The following TCF12 variants were observed in gnomAD, a reference collection of about 807,000 sequenced individuals.
TCF12 encodes DNA-binding protein HTF4.
Under a neutral mutation model 86.0 loss-of-function variants are expected in TCF12, and 45 were observed. The ratio of observed to expected loss-of-function variants is 0.52; its 90% CI spans 0.41 to 0.67. TCF12 has a LOEUF of 0.67. Ranked by LOEUF, TCF12 falls within the 30% of genes least tolerant of loss-of-function variation. The probability of loss-of-function intolerance (pLI) is 0.00; values close to 1 mark genes in which losing one functional copy is unlikely to be tolerated. For synonymous variants in TCF12, 330 were observed against 299.6 expected (o/e 1.10, Z -1.05); for missense variants, 881 against 859.9 (o/e 1.02, Z -0.31).
intron 3 of TCF12, among the ~76,000 whole-genome samples, chr15:56,968,718 G>A (rs1490883835): frequency 6.6e-6 from 1 of 152,238 alleles, no homozygotes; most frequent in Non-Finnish European, 1.5e-5. Context: ...AATTTAGAAA[G>A]TGTATTTTGC....
intron 5 of TCF12, chr15:57,134,251 G>C (rs1391820827): frequency 6.6e-6 from 1 of 152,096 alleles, no homozygotes; most frequent in Non-Finnish European, 1.5e-5. Context: ...ATTCATCATA[G>C]TAGAATGTAA....
At chr15:57,072,096 A>G (rs549393089) in intron 4 of TCF12, among the ~76,000 whole-genome samples, 32 of 152,346 alleles carry the variant, frequency 2.1e-4, no homozygotes, top group Admixed American at 8.5e-4. Context: ...AAAGAGTGAC[A>G]AAAAATAGGA....
rs1456888879 is a variant in TCF12 at position 57,128,871 on chromosome 15, C to G, written c.325+36980C>G. ...ATGTTACATAATCAATATTTCATTT[C>G]TTTTTATAGCTGAATAATATTCCAT... On this transcript the variant is annotated intron_variant, in intron 5 of 20. Coordinates refer to ENST00000333725, the MANE Select transcript of TCF12 (RefSeq NM_207037.2). Among the ~76,000 whole-genome samples, 3 of 152,142 alleles carry G rather than the reference C, an allele frequency of 2.0e-5. No homozygotes were observed. In the East Asian group the frequency reaches 5.8e-4, roughly 29 times the overall value.
intron 3 of TCF12, among the ~76,000 whole-genome samples, chr15:57,010,213 T>A (rs1404225911): frequency 6.6e-6 from 1 of 151,960 alleles, no homozygotes; most frequent in Non-Finnish European, 1.5e-5. Flanking sequence ...ATGTTCAAAA[T>A]CTAAAATTTG....
At chr15:56,990,145 T>C (rs1319744328) in intron 3 of TCF12, among the ~76,000 whole-genome samples, 1 of 139,970 alleles carries the variant, frequency 7.1e-6, no homozygotes, top group South Asian at 2.2e-4. Flanking sequence ...TTAGGCATAG[T>C]CTTGTCTTTT....
intron 6 of TCF12, among the ~76,000 whole-genome samples, chr15:57,182,074 A>G (rs886549279): frequency 1.3e-5 from 2 of 152,220 alleles, no homozygotes; most frequent in African/African-American, 4.8e-5. Context: ...GCTCGGCACA[A>G]TAAAACTGCT....
intron 3 of TCF12, among the ~76,000 whole-genome samples, chr15:57,007,882 CT>C (rs1301065326): frequency 0.011 from 1,289 of 119,064 alleles, 36 homozygotes; most frequent in African/African-American, 0.036. Context: ...TCCTTCCTTC[CT>C]TCCTTCCTTC....
chr15:57,180,938 C>G (rs1163757119), intron 6 of TCF12, among the ~76,000 whole-genome samples: 1 of 150,628 alleles, frequency 6.6e-6, no homozygotes, highest in Non-Finnish European at 1.5e-5. Flanking sequence ...CCTCAGCCTC[C>G]TGAGTGGCTG....
At chr15:57,246,133 A>C (rs367743121) in intron 13 of TCF12, among the ~76,000 whole-genome samples, 7 of 151,828 alleles carry the variant, frequency 4.6e-5, no homozygotes, top group African/African-American at 1.7e-4. Context: ...AATTCTACCC[A>C]CTCTGTGAGT....
intron 6 of TCF12, among the ~76,000 whole-genome samples, 160 bp from the exon 7 acceptor site, chr15:57,191,998 G>A (rs1404123335): frequency 1.3e-5 from 2 of 152,082 alleles, no homozygotes; most frequent in East Asian, 3.9e-4. Flanking sequence ...AGTAGGTATG[G>A]GCTGAAAGCA....
intron 16 of TCF12, among the ~76,000 whole-genome samples, chr15:57,259,591 A>G (rs2733330): frequency 0.21 from 31,484 of 152,262 alleles, 3,494 homozygotes; most frequent in Non-Finnish European, 0.24. Context: ...AAGATTGAGT[A>G]TGCAGGATGG....
At chr15:57,261,809 T>G (rs965540519) in intron 16 of TCF12, among the ~76,000 whole-genome samples, 1 of 136,832 alleles carries the variant, frequency 7.3e-6, no homozygotes, top group African/African-American at 2.5e-5. Flanking sequence ...CTTTGTCAGC[T>G]CATTTGCTTC....
Position 57,266,370 on chromosome 15 carries a change from G to A in TCF12, c.1745+3096G>A, listed in dbSNP as rs148937852. On this transcript the variant is annotated intron_variant, in intron 18 of 20. Transcript: ENST00000333725. ...TGGGATTACAGGCGTGAGCCACTGCGCCTGGCTGCTGCCTATTTTTATGTT... is the reference window on the plus strand; with the variant it reads ...TGGGATTACAGGCGTGAGCCACTGCACCTGGCTGCTGCCTATTTTTATGTT... 8.8e-3 allele frequency among the ~76,000 whole-genome samples: 1,335 copies of A among 152,128 alleles called. 10 individuals are homozygous for A. Among genetic ancestry groups the A allele is most frequent in the Non-Finnish European group, 0.015 (1,006 of 67,996 alleles).
At chr15:57,118,282 G>C (rs1331173299) in intron 5 of TCF12, 1 of 152,146 alleles carries the variant, frequency 6.6e-6, no homozygotes, top group African/African-American at 2.4e-5. Context: ...TGATTCATTA[G>C]GAAAGAATTT....
At chr15:57,092,546 T>C (rs1312448513) in intron 5 of TCF12, among the ~76,000 whole-genome samples, 2 of 152,282 alleles carry the variant, frequency 1.3e-5, no homozygotes, top group African/African-American at 4.8e-5. Flanking sequence ...CAAATGAAAG[T>C]TTAAAGTTGT....
intron 6 of TCF12, among the ~76,000 whole-genome samples, chr15:57,172,782 G>A (rs573778630): frequency 2.2e-4 from 34 of 152,082 alleles, no homozygotes; most frequent in African/African-American, 8.0e-4. Flanking sequence ...TAAAATACAA[G>A]TTTAGTAAAA....
At chr15:56,949,307 A>G (rs191240516) in intron 3 of TCF12, among the ~76,000 whole-genome samples, 31 of 152,354 alleles carry the variant, frequency 2.0e-4, no homozygotes, top group Admixed American at 1.8e-3. Context: ...CAAAAGCATG[A>G]CAGTCCACTG....
intron 5 of TCF12, among the ~76,000 whole-genome samples, chr15:57,097,170 A>G (rs9806170): frequency 0.25 from 37,584 of 151,994 alleles, 5,480 homozygotes; most frequent in East Asian, 0.4. Flanking sequence ...AAAATTCTGA[A>G]ATCTCCTAGA....
chr15:57,010,315 C>A (rs544726585), intron 3 of TCF12, among the ~76,000 whole-genome samples: 1 of 151,924 alleles, frequency 6.6e-6, no homozygotes, highest in Non-Finnish European at 1.5e-5. Context: ...TGGGAGGCCA[C>A]GGCAAGAGGA....
Sources: gnomAD v4.1 joint callset for allele counts (sites outside exome capture counted in the v4.1 genomes callset) on GRCh38, gnomAD v4.1.1 for gene constraint, MANE v1.5 for transcripts, NCBI Gene and HGNC (gene_info 2026-07-23, HGNC 2026-07-21) for gene names.